The following DMD variants were observed in gnomAD, a reference collection of about 807,000 sequenced individuals.
The protein encoded by DMD is dystrophin.
A neutral mutation model predicts 330.1 loss-of-function variants in DMD; 63 were observed. That is an observed-to-expected ratio of 0.19 (90% CI 0.16 to 0.24). The LOEUF (loss-of-function observed/expected upper bound fraction) is 0.24, where lower values mean the gene tolerates loss of function less well. Ranked by LOEUF, DMD falls within the 10% of genes least tolerant of loss-of-function variation. DMD has a pLI of 1.00. For missense variants in DMD, 3,344 were observed against 2,684.1 expected (o/e 1.25, Z -5.43); for synonymous variants, 1,223 against 959.8 (o/e 1.27, Z -5.07).
intron 51 of DMD, among the ~76,000 whole-genome samples, chrX:31,766,698 G>A (rs543761306): frequency 1.8e-5 from 2 of 112,204 alleles, no homozygotes; most frequent in Middle Eastern, 9.3e-3. Flanking sequence ...ATAAGATTTT[G>A]ACAGAAAAGT....
chrX:32,512,961 T>A (rs971767760), intron 18 of DMD, among the ~76,000 whole-genome samples: 1 of 111,922 alleles, frequency 8.9e-6, no homozygotes, highest in Non-Finnish European at 1.9e-5. Flanking sequence ...GCAGGAGGAA[T>A]GCAGAGAGGC....
intron 21 of DMD, among the ~76,000 whole-genome samples, chrX:32,483,359 A>T (rs2042108079): frequency 9.4e-6 from 1 of 105,856 alleles, no homozygotes; most frequent in South Asian, 4.2e-4. Context: ...AAGAAAGATG[A>T]TAGGGATGGA....
At chrX:31,420,218 A>C (rs997049138) in intron 60 of DMD, among the ~76,000 whole-genome samples, 2 of 112,715 alleles carry the variant, frequency 1.8e-5, no homozygotes, top group Admixed American at 1.9e-4. Flanking sequence ...AAATAAGCTC[A>C]ATAAAGACAG....
chrX:31,148,762 C>G (rs1276307984), intron 74 of DMD, among the ~76,000 whole-genome samples: 4 of 112,195 alleles, frequency 3.6e-5, no homozygotes, highest in African/African-American at 1.3e-4. Context: ...CTGATGGGTG[C>G]ATTTTAATTT....
In DMD at chrX:32,699,298, A is replaced by G. The variant is rs774745372; in HGVS notation, c.650-5T>C. 1.7e-6 allele frequency: 2 copies of G among 1,189,733 alleles called. No homozygotes were observed. Among genetic ancestry groups the G allele is most frequent in the African/African-American group, 3.5e-5 (2 of 56,754 alleles). On this transcript the variant is annotated splice_polypyrimidine_tract_variant and splice_region_variant and intron_variant, in intron 7 of 78. Coordinates refer to ENST00000357033, the MANE Select transcript of DMD (RefSeq NM_004006.3). ...CTGGATAGGTGGTATCAACATCTGTAAGCACATTAACACTACACATCAATT... is the reference window on the plus strand; with the variant it reads ...CTGGATAGGTGGTATCAACATCTGTGAGCACATTAACACTACACATCAATT...
chrX:32,580,131 TG>T (rs1383337024), intron 13 of DMD, among the ~76,000 whole-genome samples: 1 of 110,050 alleles, frequency 9.1e-6, no homozygotes, highest in Non-Finnish European at 1.9e-5. Context: ...AGCGTAACAG[TG>T]TTCCTTCCAG....
chrX:33,259,599 C>A (rs1407076656), intron 1 of DMD, among the ~76,000 whole-genome samples: 9 of 54,037 alleles, frequency 1.7e-4, no homozygotes, highest in Non-Finnish European at 2.9e-4. Flanking sequence ...TCAAAATCGC[C>A]CCCCCCCCCC....
At chrX:32,070,772 A>G (rs1040426084) in intron 44 of DMD, among the ~76,000 whole-genome samples, 2 of 111,412 alleles carry the variant, frequency 1.8e-5, no homozygotes, top group Non-Finnish European at 3.8e-5. Flanking sequence ...CTAAGCTATG[A>G]GGATGCAAAG....
chrX:31,767,951 A>C (rs1387326757), intron 51 of DMD, among the ~76,000 whole-genome samples: 1 of 112,142 alleles, frequency 8.9e-6, no homozygotes, highest in Non-Finnish European at 1.9e-5. Context: ...TTTTTAGATA[A>C]TGAAATCTCC....
intron 12 of DMD, among the ~76,000 whole-genome samples, chrX:32,606,082 T>C (rs1034406452): frequency 1.8e-5 from 2 of 110,671 alleles, no homozygotes; most frequent in Admixed American, 9.6e-5. Context: ...CAAGTTATTA[T>C]TGACCATAGT....
chrX:32,944,218 G>A (rs1289897299), intron 2 of DMD, among the ~76,000 whole-genome samples: 1 of 112,082 alleles, frequency 8.9e-6, no homozygotes, highest in East Asian at 2.8e-4. Flanking sequence ...TTTCTGAATT[G>A]ATTTGTAAGA....
At chrX:31,433,323 T>A (rs2064221750) in intron 60 of DMD, among the ~76,000 whole-genome samples, 1 of 112,194 alleles carries the variant, frequency 8.9e-6, no homozygotes, top group African/African-American at 3.2e-5. Context: ...GTTGACTTTA[T>A]GTCTTTGCTA....
intron 7 of DMD, among the ~76,000 whole-genome samples, chrX:32,805,001 T>A (rs1380485354): frequency 1.8e-5 from 2 of 111,742 alleles, no homozygotes; most frequent in East Asian, 2.8e-4. Flanking sequence ...TCCACAAAGA[T>A]GAGGAAAAAC....
At chrX:32,725,222 A>G (rs901749601) in intron 7 of DMD, among the ~76,000 whole-genome samples, 7 of 111,296 alleles carry the variant, frequency 6.3e-5, no homozygotes, top group African/African-American at 2.3e-4. Context: ...AATATACTAG[A>G]TTTGACAGTA....
intron 60 of DMD, among the ~76,000 whole-genome samples, chrX:31,432,214 TGTCTA>T (rs2064142413): frequency 8.9e-6 from 1 of 112,199 alleles, no homozygotes; most frequent in Non-Finnish European, 1.9e-5. Context: ...TTTTTTCACA[TGTCTA>T]GAAAGAAATT....
intron 2 of DMD, among the ~76,000 whole-genome samples, chrX:32,852,240 C>G (rs754157832): frequency 1.2e-4 from 13 of 111,528 alleles, no homozygotes; most frequent in Admixed American, 9.5e-4. Flanking sequence ...CCTGAGACCC[C>G]CCATTCCAGG....
intron 27 of DMD, 130 bp downstream of exon 27, chrX:32,448,326 C>T (rs180957109): frequency 2.8e-6 from 2 of 705,161 alleles, no homozygotes; most frequent in African/African-American, 4.3e-5. Context: ...AGTCATACAA[C>T]TTATAAGTGC....
chrX:32,349,467 C>A (rs1887813160), intron 37 of DMD, among the ~76,000 whole-genome samples: 1 of 111,213 alleles, frequency 9.0e-6, no homozygotes, highest in African/African-American at 3.3e-5. Flanking sequence ...AAACATTTTA[C>A]TTTTGTAAAA....
chrX:31,932,057 G>A, intron 46 of DMD, 23 bp downstream of exon 46: 1 of 1,208,209 alleles, frequency 8.3e-7, no homozygotes, highest in Non-Finnish European at 1.1e-6. Flanking sequence ...CAGGCCCTGG[G>A]GGATTTGAGA....
Sources: allele counts gnomAD v4.1 joint callset (sites outside exome capture counted in the v4.1 genomes callset), GRCh38; gene constraint gnomAD v4.1.1; transcripts MANE v1.5; gene names NCBI Gene and HGNC (gene_info 2026-07-23, HGNC 2026-07-21).